Variants in IFI16 observed in about 807,000 individuals in gnomAD.
The protein encoded by IFI16 is interferon gamma inducible protein 16.
IFI16 carries 49 observed loss-of-function variants against 68.4 expected under a neutral mutation model. That is an observed-to-expected ratio of 0.72 (90% confidence interval 0.57 to 0.91). The LOEUF (loss-of-function observed/expected upper bound fraction) is 0.91. IFI16 is among the 40% of genes least tolerant of loss of function. The probability of loss-of-function intolerance (pLI) is 0.00; values close to 1 mark genes in which losing one functional copy is unlikely to be tolerated. For synonymous variants in IFI16, 307 were observed against 315.0 expected (o/e 0.97, Z 0.27); for missense variants, 878 against 942.9 (o/e 0.93, Z 0.90).
At chr1:159,000,793 A>G (rs896208435) in intron 1 of IFI16, among the ~76,000 whole-genome samples, 4 of 152,112 alleles carry the variant, frequency 2.6e-5, no homozygotes, top group African/African-American at 9.7e-5. Flanking sequence ...GTGGGGCTTG[A>G]CGGGAAGTGC....
intron 7 of IFI16, among the ~76,000 whole-genome samples, chr1:159,041,120 G>T (rs536866685): frequency 6.6e-6 from 1 of 152,274 alleles, no homozygotes; most frequent in East Asian, 1.9e-4. Flanking sequence ...TCAGCTAACG[G>T]TGCGATAGAA....
chr1:159,050,795 T>C (rs1655309395), intron 9 of IFI16, among the ~76,000 whole-genome samples: 1 of 152,104 alleles, frequency 6.6e-6, no homozygotes, highest in Non-Finnish European at 1.5e-5. Context: ...TGACTCTTTT[T>C]AGTTCCTGCC....
chr1:159,017,296 A>G (rs1652994984), intron 4 of IFI16, among the ~76,000 whole-genome samples: 1 of 152,156 alleles, frequency 6.6e-6, no homozygotes, highest in Admixed American at 6.5e-5. Context: ...TACTGAGATG[A>G]TGGCATTCTG....
intron 5 of IFI16, among the ~76,000 whole-genome samples, chr1:159,019,363 C>T (rs1653146925): frequency 6.6e-6 from 1 of 152,136 alleles, no homozygotes; most frequent in South Asian, 2.1e-4. Flanking sequence ...AAGCATCTAT[C>T]CTCTGCTATT....
intron 6 of IFI16, among the ~76,000 whole-genome samples, chr1:159,026,180 A>G (rs944613775): frequency 2.0e-5 from 3 of 149,606 alleles, no homozygotes; most frequent in African/African-American, 7.3e-5. Context: ...TTTTGGTTCC[A>G]TATGAATTTT....
intron 5 of IFI16, among the ~76,000 whole-genome samples, chr1:159,019,261 C>CAA (rs71757653): frequency 0.033 from 4,632 of 142,468 alleles, 166 homozygotes; most frequent in African/African-American, 0.088. Context: ...ATATAAATAA[C>CAA]AAAAAAAAAA....
intron 6 of IFI16, among the ~76,000 whole-genome samples, chr1:159,027,168 T>A (rs1653722215): frequency 6.6e-6 from 1 of 152,216 alleles, no homozygotes; most frequent in Admixed American, 6.5e-5. Context: ...GGGTTTGTCA[T>A]AGACGGCTTT....
In IFI16 at chr1:159,015,270, T is replaced by G. The variant is rs575907832; in HGVS notation, c.265+325T>G. Among the ~76,000 whole-genome samples, 3 of 152,338 alleles carry G rather than the reference T, an allele frequency of 2.0e-5. No homozygotes were observed. In the South Asian group the frequency reaches 6.2e-4, roughly 32 times the overall value. On this transcript the variant is annotated intron_variant, in intron 2 of 11. Coordinates refer to ENST00000295809, the MANE Select transcript of IFI16 (RefSeq NM_001376587.1). ...ATAAAAACTGTTTAAATTCAAGATATGTACATTTAGCCAATGAATGTATCT... is the reference window on the plus strand; with the variant it reads ...ATAAAAACTGTTTAAATTCAAGATAGGTACATTTAGCCAATGAATGTATCT...
chr1:159,006,945 C>T (rs1416609463), upstream of IFI16, among the ~76,000 whole-genome samples: 1 of 152,114 alleles, frequency 6.6e-6, no homozygotes, highest in Non-Finnish European at 1.5e-5. Context: ...TTGAATTGGC[C>T]TTTACCTTAT....
chr1:159,040,661 T>C (rs1431484236), intron 7 of IFI16, among the ~76,000 whole-genome samples: 3 of 152,174 alleles, frequency 2.0e-5, no homozygotes, highest in Non-Finnish European at 4.4e-5. Flanking sequence ...ACATAAAGCA[T>C]GGAAAATGTG....
At chr1:159,015,332 A>G (rs564942822) in intron 2 of IFI16, among the ~76,000 whole-genome samples, 175 of 152,316 alleles carry the variant, frequency 1.1e-3, no homozygotes, top group Non-Finnish European at 2.2e-3. Context: ...ACTACCCTTT[A>G]TAATTTAAAA....
At chr1:159,030,469 T>A (rs2106095) in intron 6 of IFI16, among the ~76,000 whole-genome samples, 44,732 of 151,970 alleles carry the variant, frequency 0.29, 9,158 homozygotes, top group African/African-American at 0.58. Flanking sequence ...CTGTTAGGAT[T>A]TTTTTTGTCC....
intron 7 of IFI16, among the ~76,000 whole-genome samples, chr1:159,036,036 C>A (rs1237271061): frequency 6.6e-6 from 1 of 152,176 alleles, no homozygotes; most frequent in Non-Finnish European, 1.5e-5. Flanking sequence ...CCCATACCAA[C>A]TCGATCTAGG....
intron 7 of IFI16, among the ~76,000 whole-genome samples, chr1:159,033,388 A>G (rs915396385): frequency 2.0e-5 from 3 of 152,250 alleles, no homozygotes; most frequent in African/African-American, 7.2e-5. Flanking sequence ...AGCATAGCTC[A>G]GGTTATATCT....
At chr1:159,025,179 C>G (rs2101847734) in intron 6 of IFI16, among the ~76,000 whole-genome samples, 1 of 152,296 alleles carries the variant, frequency 6.6e-6, no homozygotes, top group African/African-American at 2.4e-5. Flanking sequence ...GGTGACGCCT[C>G]CCGCTCCATT....
intron 10 of IFI16, 71 bp downstream of exon 10, chr1:159,052,169 TG>T: frequency 7.9e-7 from 1 of 1,272,454 alleles, no homozygotes; most frequent in African/African-American, 1.5e-5. Flanking sequence ...ACTTGTCAAC[TG>T]GAGTTTGGTC....
At chr1:159,010,954 T>C (rs1325004215) in intron 1 of IFI16, among the ~76,000 whole-genome samples, 1 of 152,240 alleles carries the variant, frequency 6.6e-6, no homozygotes, top group Admixed American at 6.5e-5. Context: ...AATGTGAGAT[T>C]CTTAAATGTT....
At chr1:159,005,099 T>G (rs1247553554), upstream of IFI16, among the ~76,000 whole-genome samples, 1 of 152,180 alleles carries the variant, frequency 6.6e-6, no homozygotes, top group African/African-American at 2.4e-5. Context: ...CTAACGGGCA[T>G]GTAGGGGGTG....
chr1:159,050,745 G>A (rs907927488), intron 9 of IFI16, among the ~76,000 whole-genome samples: 3 of 151,508 alleles, frequency 2.0e-5, no homozygotes, highest in Non-Finnish European at 2.9e-5. Context: ...GAGACAGGAG[G>A]TTAAAGAAAA....
Sources: allele counts gnomAD v4.1 joint callset (sites outside exome capture counted in the v4.1 genomes callset), GRCh38; gene constraint gnomAD v4.1.1; transcripts MANE v1.5; gene names NCBI Gene and HGNC (gene_info 2026-07-23, HGNC 2026-07-21).